The following SPTBN1 variants were observed in gnomAD, a reference collection of about 807,000 sequenced individuals.
The protein encoded by SPTBN1 is spectrin beta, non-erythrocytic 1, also known as spectrin beta chain, non-erythrocytic 1.
A neutral mutation model predicts 266.4 loss-of-function variants in SPTBN1; 32 were observed. The ratio of observed to expected loss-of-function variants is 0.12; its 90% CI spans 0.09 to 0.16. The LOEUF is 0.16. SPTBN1 is among the 10% of genes least tolerant of loss of function. The pLI, the probability that SPTBN1 is intolerant of heterozygous loss-of-function variation, is 1.00. For missense variants in SPTBN1, 2,296 were observed against 3,067.1 expected, an observed-to-expected ratio of 0.75 and a Z score of 5.94; for synonymous variants, 1,336 against 1,162.2, an observed-to-expected ratio of 1.15 and a Z score of -3.04.
At position 54,558,145 on chromosome 2, in the gene SPTBN1, G is replaced by T; in HGVS notation, c.148+31579G>T. 1.0e-6 allele frequency: 1 copy of T among 985,372 alleles called. No individual in the cohort carries two copies. The highest frequency in any genetic ancestry group is 1.2e-6 in the Non-Finnish European group (1 of 829,906). 61.0% of individuals were successfully genotyped at this position (985,372 alleles called of 1,614,324 possible). ...AATTCCAGCAGCTCTGTTTGGGAAG[G>T]CACTACCGCGGCGAGTCCAGGGCCC... On this transcript the variant is annotated intron_variant, in intron 2 of 35. Coordinates refer to ENST00000356805, the MANE Select transcript of SPTBN1 (RefSeq NM_003128.3). This position sits in a 1 kb window ranked among gnomAD's most constrained non-coding sequence, Gnocchi z 4.6.
In SPTBN1 at chr2:54,468,533, T is replaced by C. The variant is rs547590229; in HGVS notation, c.-48+12015T>C. ...TGATGTTCAGCACTCTTGCAGCTTA[T>C]GCATGTTGCATGGCAAAACATAAAA... On this transcript the variant is annotated intron_variant, in intron 1 of 35. Coordinates refer to ENST00000356805, the MANE Select transcript of SPTBN1 (RefSeq NM_003128.3). Among the ~76,000 whole-genome samples the C allele has an allele frequency of 3.3e-4, 50 of 152,326 alleles. 1 individual carries two copies. The highest frequency in any genetic ancestry group is 1.1e-3 in the African/African-American group (45 of 41,588).
rs1681627268 is a variant in SPTBN1 at position 54,669,949 on chromosome 2, T to C, written c.*1380T>C. The C allele has an allele frequency of 1.3e-5, 2 of 152,134 alleles. No homozygotes were observed. Among genetic ancestry groups the C allele is most frequent in the South Asian group, 4.1e-4 (2 of 4,830 alleles). The allele number at this position is 152,134 out of a possible 1,614,324, so 9.4% of individuals were successfully genotyped here. A position where few individuals can be genotyped will look rare whatever the true frequency, so the allele number is the denominator to read the frequency against. On this transcript the variant is annotated 3_prime_UTR_variant, in exon 36 of 36. Transcript: ENST00000356805. The stretch of plus-strand genomic sequence containing the variant: ...GAACTCTGAGATAGGGGTTGGCAAA[T>C]TTGTTCTGTAAAGGGACAGAGATAG...
At chr2:54,617,032 C>CCTT (rs1408987252) in intron 5 of SPTBN1, among the ~76,000 whole-genome samples, 2 of 152,124 alleles carry the variant, frequency 1.3e-5, no homozygotes, top group Non-Finnish European at 2.9e-5. Flanking sequence ...CAGGTATGAA[C>CCTT]CTTTAATCAG....
intron 2 of SPTBN1, among the ~76,000 whole-genome samples, chr2:54,576,055 C>CTTTTTTTTTTTT (rs71408771): frequency 1.2e-3 from 22 of 18,734 alleles, no homozygotes; most frequent in African/African-American, 5.8e-3. Flanking sequence ...TCAGATCCAG[C>CTTTTTTTTTTTT]TTTTTTTTTT....
chr2:54,613,976 GCA>G (rs1677399945), intron 4 of SPTBN1, among the ~76,000 whole-genome samples: 1 of 152,210 alleles, frequency 6.6e-6, no homozygotes, highest in Non-Finnish European at 1.5e-5. Flanking sequence ...CAGGGAGCTG[GCA>G]CACACAGCCC....
chr2:54,541,187 C>A (rs952941267), intron 2 of SPTBN1, among the ~76,000 whole-genome samples: 58 of 152,172 alleles, frequency 3.8e-4, no homozygotes, highest in Non-Finnish European at 4.4e-4. Flanking sequence ...AGAAGTAAGC[C>A]TACAGACCAA....
At chr2:54,576,464 A>ATTTTT in intron 2 of SPTBN1, among the ~76,000 whole-genome samples, 1 of 149,884 alleles carries the variant, frequency 6.7e-6, no homozygotes, top group South Asian at 2.1e-4. Flanking sequence ...TGTTACTTCA[A>ATTTTT]TTTTTTTTTT....
At chr2:54,461,528 C>A (rs1163663167) in intron 1 of SPTBN1, among the ~76,000 whole-genome samples, 2 of 152,212 alleles carry the variant, frequency 1.3e-5, no homozygotes, top group African/African-American at 2.4e-5. Context: ...GAATGTAGAA[C>A]TGTTTTTTAC....
intron 1 of SPTBN1, among the ~76,000 whole-genome samples, chr2:54,474,733 A>G (rs1482393187): frequency 6.6e-6 from 1 of 152,208 alleles, no homozygotes; most frequent in Non-Finnish European, 1.5e-5. Context: ...AGGAAATACT[A>G]CAAATATTAA....
rs368030106 is a variant in SPTBN1 at position 54,533,249 on chromosome 2, T to C, written c.148+6683T>C. ...AGGATGGCATGCAATTTAAAACGTA[T>C]GAATTGCCTATTTCTTCAGTTTTTC... On this transcript the variant is annotated intron_variant, in intron 2 of 35. Coordinates refer to ENST00000356805, the MANE Select transcript of SPTBN1 (RefSeq NM_003128.3). The surrounding 1 kb of genome is among the most constrained non-coding windows in gnomAD (Gnocchi z 4.2). Among the ~76,000 whole-genome samples, 1 of 152,122 alleles carries C rather than the reference T, an allele frequency of 6.6e-6. No individual in the cohort carries two copies. Among genetic ancestry groups the C allele is most frequent in the African/African-American group, 2.4e-5 (1 of 41,408 alleles).
At chr2:54,612,133 GTC>G (rs1298543546) in intron 3 of SPTBN1, 26 bp from the exon 4 acceptor site, 1 of 1,560,846 alleles carries the variant, frequency 6.4e-7, no homozygotes, top group Non-Finnish European at 8.7e-7. Context: ...TGGGTGATGT[GTC>G]TCTACCTCTG....
Position 54,612,274 on chromosome 2 carries a change from C to T in SPTBN1, c.414C>T (p.Ile138=), listed in dbSNP as rs373359346. ...TTGAGAACATGGGGTCCCATGACAT[C>T]GTGGATGGAAACCACCGGCTGACCC... is the stretch of plus-strand genomic sequence containing the variant. ...VHLENMGSHD[I]VDGNHRLTLG... Residue 138 remains isoleucine (I), a synonymous_variant, in exon 4 of 36, where the codon ATC becomes ATT. Transcript: ENST00000356805. 70 of 1,613,976 alleles carry T rather than the reference C, an allele frequency of 4.3e-5. No homozygotes were observed. Among genetic ancestry groups the T allele is most frequent in the Non-Finnish European group, 5.3e-5 (63 of 1,179,962 alleles).
In SPTBN1 at chr2:54,645,057, C is replaced by G; in HGVS notation, c.4270-172C>G. On this transcript the variant is annotated intron_variant, in intron 20 of 35. Transcript: ENST00000356805. The surrounding 1 kb of genome is among the most constrained non-coding windows in gnomAD (Gnocchi z 4.3). ...GGCAAATGAATTTACCTCAGATTTACTTGAAAACAGTTCCATTGATGTTGA... is the reference window on the plus strand; with the variant it reads ...GGCAAATGAATTTACCTCAGATTTAGTTGAAAACAGTTCCATTGATGTTGA... 6.3e-6 allele frequency: 4 copies of G among 633,606 alleles called. No homozygotes were observed. Among genetic ancestry groups the G allele is most frequent in the South Asian group, 5.8e-5 (3 of 51,302 alleles). The allele number at this position is 633,606 out of a possible 1,614,324, so 39.2% of individuals were successfully genotyped here. A position where few individuals can be genotyped will look rare whatever the true frequency, so the allele number is the denominator to read the frequency against.
In SPTBN1 at chr2:54,644,464, G is replaced by A; in HGVS notation, c.4147G>A (p.Glu1383Lys). ...AQRLFDANKA[E>K]LFTQSCADLD... ...GCGGCTCTTTGATGCAAACAAGGCC[G>A]AACTTTTCACCCAGAGCTGTGCAGA... Residue 1383 changes from glutamate to lysine, a missense_variant, in exon 20 of 36, where the codon GAA becomes AAA. Glu to Lys is a moderately conservative substitution (Grantham distance 56, BLOSUM62 1). Coordinates refer to ENST00000356805, the MANE Select transcript of SPTBN1 (RefSeq NM_003128.3). The A allele has an allele frequency of 6.2e-7, 1 of 1,614,216 alleles. No individual in the cohort carries two copies. Among genetic ancestry groups the A allele is most frequent in the Non-Finnish European group, 8.5e-7 (1 of 1,180,046 alleles).
chr2:54,529,516 G>T (rs61743072), intron 2 of SPTBN1: 2 of 710,568 alleles, frequency 2.8e-6, no homozygotes, highest in Non-Finnish European at 5.2e-6. Context: ...TCTGGAGGCC[G>T]CCCAGATATC....
At chr2:54,481,791 G>C (rs13390258) in intron 1 of SPTBN1, among the ~76,000 whole-genome samples, 29,109 of 152,078 alleles carry the variant, frequency 0.19, 2,863 homozygotes, top group Admixed American at 0.22. Context: ...AATTAAAGCT[G>C]TTTGTTCGGA....
intron 1 of SPTBN1, among the ~76,000 whole-genome samples, chr2:54,513,724 A>G (rs915346256): frequency 6.6e-6 from 1 of 152,238 alleles, no homozygotes; most frequent in Non-Finnish European, 1.5e-5. Context: ...ACCAGAAGAC[A>G]TCAGTTAATT....
rs1213092879 is a variant in SPTBN1, at chr2:54,614,966, A to C, written c.475-1241A>C. Among the ~76,000 whole-genome samples the C allele has an allele frequency of 2.0e-5, 3 of 152,282 alleles. No homozygotes were observed. In the East Asian group the frequency reaches 5.8e-4, roughly 29 times the overall value. On this transcript the variant is annotated intron_variant, in intron 4 of 35. Transcript: ENST00000356805. ...GAAGTATAAGAAAGCCAATGGGTTA[A>C]TGTGTGTAAAGTTGCAGCCTGACTT...
intron 1 of SPTBN1, among the ~76,000 whole-genome samples, chr2:54,478,053 C>T (rs148215618): frequency 4.6e-4 from 70 of 152,230 alleles, no homozygotes; most frequent in African/African-American, 1.3e-3. Flanking sequence ...CATTCATGAC[C>T]CATCACAAAA....
Sources: gnomAD v4.1 joint callset for allele counts (sites outside exome capture counted in the v4.1 genomes callset) on GRCh38, gnomAD v4.1.1 for gene constraint, Gnocchi (gnomAD v3.1) non-coding constraint, MANE v1.5 for transcripts, NCBI Gene and HGNC (gene_info 2026-07-23, HGNC 2026-07-21) for gene names.